HHAT: variants seen among roughly 807,000 people sequenced by gnomAD.
HHAT encodes hedgehog acyltransferase.
A neutral mutation model predicts 70.8 loss-of-function variants in HHAT; 47 were observed. The observed-to-expected ratio is 0.66, with a 90% CI of 0.53 to 0.85. HHAT has a LOEUF of 0.85. HHAT is among the 40% of genes least tolerant of loss of function. HHAT has a pLI of 0.00. For synonymous variants in HHAT, 228 were observed against 247.6 expected, an observed-to-expected ratio of 0.92 and a Z score of 0.74; for missense variants, 609 against 604.8, an observed-to-expected ratio of 1.01 and a Z score of -0.07.
intron 3 of HHAT, among the ~76,000 whole-genome samples, chr1:210,376,277 T>A (rs2148094225): frequency 6.6e-6 from 1 of 152,330 alleles, no homozygotes; most frequent in East Asian, 1.9e-4. Flanking sequence ...ATTTACTTAA[T>A]ACTTAATTTT....
intron 11 of HHAT, among the ~76,000 whole-genome samples, chr1:210,670,498 G>A (rs1337648173): frequency 2.0e-5 from 3 of 152,204 alleles, no homozygotes; most frequent in Non-Finnish European, 2.9e-5. Context: ...GGGAGGATGG[G>A]TCCATCTGGA....
chr1:210,654,590 G>A (rs1010822344), intron 11 of HHAT, among the ~76,000 whole-genome samples: 1 of 152,164 alleles, frequency 6.6e-6, no homozygotes, highest in South Asian at 2.1e-4. Flanking sequence ...CCTTTTAATC[G>A]CTGGTATCCC....
At chr1:210,413,557 A>C (rs532433114) in intron 6 of HHAT, among the ~76,000 whole-genome samples, 1 of 152,234 alleles carries the variant, frequency 6.6e-6, no homozygotes, top group African/African-American at 2.4e-5. Flanking sequence ...TGCACCTTCA[A>C]CACTTTGCTT....
chr1:210,451,853 CTT>C (rs1233108993), intron 7 of HHAT, among the ~76,000 whole-genome samples: 1 of 152,136 alleles, frequency 6.6e-6, no homozygotes, highest in East Asian at 1.9e-4. Context: ...CATGATATAT[CTT>C]TTAAAAAATG....
At position 210,424,485 on chromosome 1, in the gene HHAT, A is replaced by G. The variant is rs543877045; in HGVS notation, c.856+6160A>G. Among the ~76,000 whole-genome samples the G allele has an allele frequency of 6.9e-5, 10 of 144,048 alleles. No individual in the cohort carries two copies. In the South Asian group the frequency reaches 2.0e-3, roughly 29 times the overall value. 94.5% of individuals were successfully genotyped at this position (144,048 alleles called of 152,430 possible). A position where few individuals can be genotyped will look rare whatever the true frequency, so the allele number is the denominator to read the frequency against. The stretch of plus-strand genomic sequence containing the variant: ...AGGGGTACGTGTGCAAGTTTATTAC[A>G]TAGGTAAATTTGTGCCATGGGTTTT... On this transcript the variant is annotated intron_variant, in intron 7 of 11. Transcript: ENST00000261458.
At chr1:210,357,166 T>C (rs903632152) in intron 2 of HHAT, among the ~76,000 whole-genome samples, 6 of 152,234 alleles carry the variant, frequency 3.9e-5, no homozygotes, top group African/African-American at 1.4e-4. Context: ...CCAAGTCTTG[T>C]AGCCTATCCC....
At chr1:210,615,362 A>G (rs1378659946) in intron 10 of HHAT, among the ~76,000 whole-genome samples, 2 of 152,018 alleles carry the variant, frequency 1.3e-5, no homozygotes, top group African/African-American at 4.8e-5. Context: ...AATGTTTTTA[A>G]CTTCTTTGCG....
intron 9 of HHAT, among the ~76,000 whole-genome samples, chr1:210,538,396 A>T (rs2095396089): frequency 6.6e-6 from 1 of 152,210 alleles, no homozygotes; most frequent in Non-Finnish European, 1.5e-5. Flanking sequence ...TAAATATAAA[A>T]AACAGGAAAA....
intron 2 of HHAT, among the ~76,000 whole-genome samples, chr1:210,354,008 A>AT (rs1338891481): frequency 6.6e-6 from 1 of 152,088 alleles, no homozygotes; most frequent in Non-Finnish European, 1.5e-5. Context: ...CCACACAACC[A>AT]TTTTTCAGGT....
intron 11 of HHAT, among the ~76,000 whole-genome samples, chr1:210,671,178 C>T (rs376647790): frequency 2.4e-4 from 36 of 152,172 alleles, no homozygotes; most frequent in Non-Finnish European, 4.7e-4. Context: ...GAAACATCCC[C>T]ATTGGCCCAT....
Position 210,464,611 on chromosome 1 carries a change from C to G in HHAT, c.963C>G (p.Leu321=). 6.2e-7 allele frequency: 1 copy of G among 1,614,164 alleles called. No homozygotes were observed. ...TGGATGGACTCACTCCACCCGCCCT[C>G]CCCCGCTGCGTGAGCACCATGTTCA... The part of the protein sequence containing the change: ...MRLDGLTPPA[L]PRCVSTMFSF... The change falls in exon 8 of 12, where the codon CTC becomes CTG. Residue 321 remains leucine (L), a synonymous_variant. Transcript: ENST00000261458.
At chr1:210,485,648 G>A (rs550303081) in intron 8 of HHAT, among the ~76,000 whole-genome samples, 149 of 152,276 alleles carry the variant, frequency 9.8e-4, no homozygotes, top group Non-Finnish European at 1.2e-3. Context: ...ATGGTGGAAG[G>A]TAAGGAGGAG....
chr1:210,515,757 C>CAA (rs34971563), intron 9 of HHAT, among the ~76,000 whole-genome samples: 16,185 of 80,062 alleles, frequency 0.2, 2,051 homozygotes, highest in Admixed American at 0.28. Flanking sequence ...GACTCCGTCT[C>CAA]AAAAAAAAAA....
chr1:210,469,048 G>A (rs2094155164), intron 8 of HHAT, among the ~76,000 whole-genome samples: 1 of 152,144 alleles, frequency 6.6e-6, no homozygotes, highest in Admixed American at 6.6e-5. Context: ...GGAAGTGGTA[G>A]TTTCTTAGTA....
At chr1:210,386,698 C>T (rs1207836722) in intron 3 of HHAT, among the ~76,000 whole-genome samples, 2 of 152,130 alleles carry the variant, frequency 1.3e-5, no homozygotes, top group Non-Finnish European at 2.9e-5. Context: ...CTCTTGGCCT[C>T]CGTGGTCCTT....
At chr1:210,583,201 T>C (rs927346550) in intron 9 of HHAT, among the ~76,000 whole-genome samples, 1 of 152,228 alleles carries the variant, frequency 6.6e-6, no homozygotes, top group African/African-American at 2.4e-5. Context: ...GTCTACTATT[T>C]ATATAGATTC....
chr1:210,538,480 G>A (rs936757670), intron 9 of HHAT, among the ~76,000 whole-genome samples: 1 of 152,066 alleles, frequency 6.6e-6, no homozygotes, highest in East Asian at 1.9e-4. Flanking sequence ...GATAAGAAGG[G>A]AAGAAAAATG....
chr1:210,554,467 T>A (rs979189826), intron 9 of HHAT, among the ~76,000 whole-genome samples: 6 of 152,078 alleles, frequency 3.9e-5, no homozygotes, highest in Admixed American at 3.9e-4. Flanking sequence ...AGGTTGAGAT[T>A]TGGGTTTGGA....
intron 10 of HHAT, chr1:210,589,400 A>T (rs2148791780): frequency 6.6e-6 from 1 of 152,388 alleles, no homozygotes; most frequent in African/African-American, 2.4e-5. Context: ...TTCTAACAGA[A>T]AATGTTATTT....
Sources: gnomAD v4.1 joint callset for allele counts (sites outside exome capture counted in the v4.1 genomes callset) on GRCh38, gnomAD v4.1.1 for gene constraint, MANE v1.5 for transcripts, NCBI Gene and HGNC (gene_info 2026-07-23, HGNC 2026-07-21) for gene names.